DENND1A: variants seen among roughly 807,000 people sequenced by gnomAD.
The protein encoded by DENND1A is DENN domain containing 1A.
DENND1A carries 51 observed loss-of-function variants against 113.7 expected under a neutral mutation model. The ratio of observed to expected loss-of-function variants is 0.45; its 90% CI spans 0.36 to 0.57. The LOEUF (loss-of-function observed/expected upper bound fraction) is 0.57, where lower values mean the gene tolerates loss of function less well. DENND1A is among the 20% of genes least tolerant of loss of function. The pLI is 0.00. For synonymous variants in DENND1A, 565 were observed against 570.8 expected (o/e 0.99, Z 0.14); for missense variants, 1,258 against 1,395.9 (o/e 0.90, Z 1.57).
Position 123,926,977 on chromosome 9 carries a change from G to T in DENND1A, c.17+2912C>A, listed in dbSNP as rs114942780. 4.5e-4 allele frequency among the ~76,000 whole-genome samples: 69 copies of T among 152,128 alleles called. 1 individual carries two copies. The highest frequency in any genetic ancestry group is 1.6e-3 in the African/African-American group (67 of 41,498). The stretch of plus-strand genomic sequence containing the variant: ...TAGACTGGAACAGGAGGGGGTGGGG[G>T]TGGCAACAGGAAACTGGCATCAAGG... On this transcript the variant is annotated intron_variant, in intron 1 of 23. Coordinates refer to ENST00000394215, the MANE Select transcript of DENND1A (RefSeq NM_001352964.2).
At chr9:123,769,259 C>G (rs1829338672) in intron 4 of DENND1A, among the ~76,000 whole-genome samples, 1 of 152,102 alleles carries the variant, frequency 6.6e-6, no homozygotes. Context: ...CAGTTTAAGT[C>G]TGATAACAAA....
At chr9:123,704,131 T>C (rs2066040606) in intron 5 of DENND1A, among the ~76,000 whole-genome samples, 3 of 149,490 alleles carry the variant, frequency 2.0e-5, no homozygotes, top group Admixed American at 1.3e-4. Context: ...GTAAACACTC[T>C]AGAGGCCCGA....
chr9:123,395,996 T>TGC (rs1240916377), intron 21 of DENND1A, among the ~76,000 whole-genome samples: 25 of 151,596 alleles, frequency 1.6e-4, no homozygotes, highest in African/African-American at 5.3e-4. Context: ...TGTGTGTGTG[T>TGC]GCACGCGTGT....
intron 13 of DENND1A, among the ~76,000 whole-genome samples, chr9:123,487,182 C>A (rs1373448975): frequency 5.9e-5 from 9 of 152,198 alleles, no homozygotes; most frequent in African/African-American, 2.2e-4. Flanking sequence ...GCTCCTGGAT[C>A]CAGCCATGCT....
intron 17 of DENND1A, 66 bp from the exon 18 acceptor site, chr9:123,450,815 C>T: frequency 7.3e-7 from 1 of 1,362,134 alleles, no homozygotes. Flanking sequence ...TGCTTGATTT[C>T]AGTCCATCGA....
At chr9:123,776,161 G>A (rs1830441924) in intron 3 of DENND1A, among the ~76,000 whole-genome samples, 1 of 152,092 alleles carries the variant, frequency 6.6e-6, no homozygotes, top group Admixed American at 6.6e-5. Flanking sequence ...TAAGTGTCTG[G>A]GCGCTGTGTA....
intron 2 of DENND1A, among the ~76,000 whole-genome samples, chr9:123,844,578 T>C (rs1842316813): frequency 6.6e-6 from 1 of 152,168 alleles, no homozygotes; most frequent in African/African-American, 2.4e-5. Context: ...AACATTACCT[T>C]AATAAATGGA....
chr9:123,679,397 G>GC (rs2140162684), intron 5 of DENND1A, among the ~76,000 whole-genome samples: 1 of 152,090 alleles, frequency 6.6e-6, no homozygotes, highest in South Asian at 2.1e-4. Context: ...CTCACACTCA[G>GC]CCTCAGCCTC....
At chr9:123,420,457 G>T (rs4570233) in intron 19 of DENND1A, among the ~76,000 whole-genome samples, 131,288 of 152,050 alleles carry the variant, frequency 0.86, 59,926 homozygotes, top group East Asian at 1. Context: ...AAGGGGGTCC[G>T]GGAAGAAAAG....
chr9:123,473,013 C>T (rs2049575644), intron 13 of DENND1A, among the ~76,000 whole-genome samples: 1 of 152,224 alleles, frequency 6.6e-6, no homozygotes, highest in African/African-American at 2.4e-5. Context: ...CTACGCTCAC[C>T]TCTGCTGTAG....
chr9:123,583,334 G>T, intron 11 of DENND1A, 64 bp from the exon 12 acceptor site: 2 of 1,219,690 alleles, frequency 1.6e-6, no homozygotes, highest in Non-Finnish European at 2.4e-6. Flanking sequence ...CACTTCCCCT[G>T]CCTTCTCTGG....
At chr9:123,651,950 G>C in intron 9 of DENND1A, 63 bp downstream of exon 9, 2 of 1,447,302 alleles carry the variant, frequency 1.4e-6, no homozygotes, top group Non-Finnish European at 1.9e-6. Flanking sequence ...CTTTCATCTT[G>C]CTGGTGTATC....
chr9:123,552,934 T>A (rs1392674142), intron 13 of DENND1A, among the ~76,000 whole-genome samples: 4 of 152,214 alleles, frequency 2.6e-5, no homozygotes, highest in Non-Finnish European at 5.9e-5. Flanking sequence ...CACAGTGTGG[T>A]ATCATGAAAC....
At chr9:123,433,659 T>C (rs1168428370) in intron 19 of DENND1A, among the ~76,000 whole-genome samples, 2 of 152,222 alleles carry the variant, frequency 1.3e-5, no homozygotes, top group Non-Finnish European at 2.9e-5. Context: ...TTTTTTCTTT[T>C]TTCTTTTTTT....
At chr9:123,828,810 C>A (rs537706962) in intron 2 of DENND1A, among the ~76,000 whole-genome samples, 21 of 151,994 alleles carry the variant, frequency 1.4e-4, no homozygotes, top group Admixed American at 1.4e-3. Flanking sequence ...TATCAAAAAC[C>A]AAACTGAGAT....
intron 5 of DENND1A, among the ~76,000 whole-genome samples, chr9:123,753,206 C>A (rs1056065054): frequency 4.6e-5 from 7 of 152,130 alleles, no homozygotes; most frequent in Non-Finnish European, 7.3e-5. Flanking sequence ...CCCAGACTAG[C>A]TGGGAATGTC....
intron 9 of DENND1A, among the ~76,000 whole-genome samples, chr9:123,645,955 G>A (rs573179172): frequency 4.6e-5 from 7 of 152,232 alleles, no homozygotes; most frequent in East Asian, 1.9e-4. Context: ...CAGTCACCCC[G>A]CTTATCCGGT....
chr9:123,669,833 TA>T (rs1207185528), intron 7 of DENND1A, among the ~76,000 whole-genome samples: 2 of 152,226 alleles, frequency 1.3e-5, no homozygotes, highest in African/African-American at 4.8e-5. Flanking sequence ...TATGCTCTAT[TA>T]AAATGGGCAA....
intron 10 of DENND1A, among the ~76,000 whole-genome samples, chr9:123,626,558 T>G (rs2061227896): frequency 6.6e-6 from 1 of 152,092 alleles, no homozygotes; most frequent in Non-Finnish European, 1.5e-5. Flanking sequence ...TCCCCTCTAG[T>G]TCCCCTCATC....
Sources: gnomAD v4.1 joint callset for allele counts (sites outside exome capture counted in the v4.1 genomes callset) on GRCh38, gnomAD v4.1.1 for gene constraint, MANE v1.5 for transcripts, NCBI Gene and HGNC (gene_info 2026-07-23, HGNC 2026-07-21) for gene names.